The following NHERF1 variants were observed in gnomAD, a reference collection of about 807,000 sequenced individuals.
NHERF1 encodes Na(+)/H(+) exchange regulatory cofactor NHE-RF1.
At chr17:74,754,020 G>A in the NHERF1 span, among the ~76,000 whole-genome samples, 10 of 151,756 alleles carry the variant, frequency 6.6e-5, no homozygotes, top group African/African-American at 1.7e-4. Flanking sequence ...AAAAATTAGC[G>A]AGGCGTGGTG....
At chr17:74,764,449 G>A in the NHERF1 span, among the ~76,000 whole-genome samples, 4 of 152,126 alleles carry the variant, frequency 2.6e-5, no homozygotes, top group East Asian at 1.9e-4. This position sits in a 1 kb window ranked among gnomAD's most constrained non-coding sequence, Gnocchi z 4.9. Context: ...GTGGGGTACC[G>A]CCTTACCCTT....
At chr17:74,749,860 TC>T in the NHERF1 span, among the ~76,000 whole-genome samples, 11 of 152,204 alleles carry the variant, frequency 7.2e-5, no homozygotes, top group African/African-American at 2.7e-4. This position sits in a 1 kb window ranked among gnomAD's most constrained non-coding sequence, Gnocchi z 5.6. Context: ...CCTCCCGGAG[TC>T]CTGTGTGACT....
chr17:74,766,769 T>G, the NHERF1 span, among the ~76,000 whole-genome samples: 1 of 152,104 alleles, frequency 6.6e-6, no homozygotes, highest in East Asian at 1.9e-4. Flanking sequence ...AAAATTTTTT[T>G]TAAATAAATA....
At chr17:74,768,846 C>T in the NHERF1 span, 44 of 602,584 alleles carry the variant, frequency 7.3e-5, no homozygotes, top group East Asian at 4.3e-4. Flanking sequence ...CCCGTCCTCC[C>T]GCAGTCAGAA....
chr17:74,757,583 C>T, the NHERF1 span, among the ~76,000 whole-genome samples: 3,431 of 152,194 alleles, frequency 0.023, 133 homozygotes, highest in African/African-American at 0.078. Context: ...TGCCCCCAGG[C>T]TGCCCGTCAC....
the NHERF1 span, among the ~76,000 whole-genome samples, chr17:74,761,635 G>T: frequency 6.6e-6 from 1 of 152,172 alleles, no homozygotes; most frequent in South Asian, 2.1e-4. The surrounding 1 kb of genome is among the most constrained non-coding windows in gnomAD (Gnocchi z 4.3). Context: ...CCCTCTCCAG[G>T]AGGGCCAGAC....
At chr17:74,767,307 C>T in the NHERF1 span, among the ~76,000 whole-genome samples, 3 of 151,280 alleles carry the variant, frequency 2.0e-5, no homozygotes, top group African/African-American at 4.9e-5. Flanking sequence ...CACGGGCAGC[C>T]GGGCCCCTGC....
At chr17:74,750,100 C>T in the NHERF1 span, among the ~76,000 whole-genome samples, 1 of 152,206 alleles carries the variant, frequency 6.6e-6, no homozygotes, top group Admixed American at 6.5e-5. Context: ...GCTCACGGCC[C>T]TGTGTGCGCC....
chr17:74,754,374 T>G, the NHERF1 span, among the ~76,000 whole-genome samples: 1 of 65,304 alleles, frequency 1.5e-5, no homozygotes, highest in Non-Finnish European at 4.4e-5. Flanking sequence ...GACATGCATT[T>G]CTTTCTTTCT....
chr17:74,754,838 G>A, the NHERF1 span, among the ~76,000 whole-genome samples: 1 of 152,216 alleles, frequency 6.6e-6, no homozygotes, highest in African/African-American at 2.4e-5. Context: ...TTTGTAGGTT[G>A]ACAGTAAGTG....
At chr17:74,763,401 G>A in the NHERF1 span, 1 of 1,614,164 alleles carries the variant, frequency 6.2e-7, no homozygotes, top group East Asian at 2.2e-5. Flanking sequence ...AAGCAGCATG[G>A]GGACGTGGTG....
At chr17:74,768,176 A>T in the NHERF1 span, 2 of 1,613,218 alleles carry the variant, frequency 1.2e-6, no homozygotes, top group Non-Finnish European at 1.7e-6. Context: ...TGGCAGAGGC[A>T]GCCTTGGAGA....
chr17:74,753,222 G>A, the NHERF1 span, among the ~76,000 whole-genome samples: 1 of 152,336 alleles, frequency 6.6e-6, no homozygotes, highest in East Asian at 1.9e-4. Context: ...GGGTTATTGG[G>A]AAGATTTGGT....
chr17:74,762,000 C>T, the NHERF1 span: 1 of 1,613,654 alleles, frequency 6.2e-7, no homozygotes, highest in African/African-American at 1.3e-5. This position sits in a 1 kb window ranked among gnomAD's most constrained non-coding sequence, Gnocchi z 4.3. Flanking sequence ...GGACCCTCCC[C>T]TGTCCCTGCA....
At chr17:74,762,278 A>T in the NHERF1 span, 1 of 925,792 alleles carries the variant, frequency 1.1e-6, no homozygotes, top group Non-Finnish European at 1.6e-6. This position sits in a 1 kb window ranked among gnomAD's most constrained non-coding sequence, Gnocchi z 4.2. Context: ...GCCCACGGGC[A>T]TAGCCAACCT....
At chr17:74,760,227 G>T in the NHERF1 span, among the ~76,000 whole-genome samples, 3 of 152,174 alleles carry the variant, frequency 2.0e-5, no homozygotes, top group Non-Finnish European at 2.9e-5. This position sits in a 1 kb window ranked among gnomAD's most constrained non-coding sequence, Gnocchi z 4.5. Context: ...GTGCCGGGGG[G>T]TGAGCCTGGG....
chr17:74,768,508 C>T, the NHERF1 span: 6 of 1,614,012 alleles, frequency 3.7e-6, no homozygotes, highest in African/African-American at 5.3e-5. Context: ...GACTCCACAG[C>T]GCCCTCGTCT....
At chr17:74,765,396 A>C in the NHERF1 span, among the ~76,000 whole-genome samples, 5 of 151,198 alleles carry the variant, frequency 3.3e-5, no homozygotes, top group African/African-American at 1.2e-4. Context: ...AGTAGCCGGG[A>C]CTACAGCCAT....
chr17:74,750,721 T>A, the NHERF1 span, among the ~76,000 whole-genome samples: 1 of 149,194 alleles, frequency 6.7e-6, no homozygotes, highest in South Asian at 2.1e-4. Context: ...GATTTGACAT[T>A]CTTTTTTTTT....
Sources: gnomAD v4.1 joint callset for allele counts (sites outside exome capture counted in the v4.1 genomes callset) on GRCh38, gnomAD v4.1.1 for gene constraint, Gnocchi (gnomAD v3.1) non-coding constraint, MANE v1.5 for transcripts, NCBI Gene and HGNC (gene_info 2026-07-23, HGNC 2026-07-21) for gene names.